Variants in WWOX observed in about 807,000 individuals in gnomAD.
The protein encoded by WWOX is WW domain containing oxidoreductase, also known as WW domain-containing oxidoreductase.
Under a neutral mutation model 46.2 loss-of-function variants are expected in WWOX, and 69 were observed. The observed-to-expected ratio is 1.49, with a 90% CI of 1.23 to 1.82. The LOEUF (loss-of-function observed/expected upper bound fraction) is 1.82. Among genes scored for constraint, WWOX ranks in the 40% most tolerant of loss-of-function variants. The pLI is 0.00. For synonymous variants in WWOX, 359 were observed against 202.6 expected, an observed-to-expected ratio of 1.77 and a Z score of -6.56; for missense variants, 919 against 542.6, an observed-to-expected ratio of 1.69 and a Z score of -6.89.
chr16:78,862,994 C>G lies in WWOX; in HGVS notation c.1057-348614C>G, dbSNP rs927508149. ...TTTTTTTTTGAGATGGAGTCTTGCTCTGTTGCCAGGGTGGAGTGCAGTGGT... is the reference window on the plus strand; with the variant it reads ...TTTTTTTTTGAGATGGAGTCTTGCTGTGTTGCCAGGGTGGAGTGCAGTGGT... On this transcript the variant is annotated intron_variant, in intron 8 of 8. Coordinates refer to ENST00000566780, the MANE Select transcript of WWOX (RefSeq NM_016373.4). Among the ~76,000 whole-genome samples the G allele has an allele frequency of 2.2e-5, 3 of 138,900 alleles. No homozygotes were observed. The Admixed American group carries it at 2.3e-4, about 11-fold the overall frequency. The allele number at this position is 138,900 out of a possible 152,430, so 91.1% of individuals were successfully genotyped here. A position where few individuals can be genotyped will look rare whatever the true frequency, so the allele number is the denominator to read the frequency against.
chr16:79,155,927 G>T (rs906976506), intron 8 of WWOX, among the ~76,000 whole-genome samples: 1 of 151,830 alleles, frequency 6.6e-6, no homozygotes, highest in East Asian at 1.9e-4. Context: ...AAGTCTCTCT[G>T]TTGATTTCTA....
At chr16:78,749,996 A>C (rs185966033) in intron 8 of WWOX, among the ~76,000 whole-genome samples, 1 of 152,246 alleles carries the variant, frequency 6.6e-6, no homozygotes, top group African/African-American at 2.4e-5. Context: ...GCTCCCCCCA[A>C]CAATCCCTTC....
chr16:78,562,471 G>A (rs2044462480), intron 8 of WWOX, among the ~76,000 whole-genome samples: 1 of 152,140 alleles, frequency 6.6e-6, no homozygotes, highest in African/African-American at 2.4e-5. Context: ...GGCAAGCAAG[G>A]CCCCTAACCT....
intron 8 of WWOX, among the ~76,000 whole-genome samples, chr16:78,772,139 C>A (rs34071876): frequency 2.6e-5 from 4 of 151,896 alleles, no homozygotes; most frequent in Non-Finnish European, 1.5e-5. Context: ...ATTTCATCAC[C>A]CAGGTAATAA....
At chr16:78,927,374 A>T (rs1344971775) in intron 8 of WWOX, among the ~76,000 whole-genome samples, 1 of 152,172 alleles carries the variant, frequency 6.6e-6, no homozygotes, top group Non-Finnish European at 1.5e-5. Flanking sequence ...GTAAGTATTG[A>T]TGGAGCAGAC....
intron 8 of WWOX, among the ~76,000 whole-genome samples, chr16:79,154,421 C>G (rs1223632025): frequency 6.6e-6 from 1 of 151,718 alleles, no homozygotes; most frequent in African/African-American, 2.4e-5. Flanking sequence ...TCAATACTGG[C>G]CCCTCATTTC....
chr16:78,560,915 A>G (rs2044419888), intron 8 of WWOX, among the ~76,000 whole-genome samples: 1 of 152,122 alleles, frequency 6.6e-6, no homozygotes, highest in Admixed American at 6.5e-5. Context: ...AGCAGTTCAC[A>G]TTCACATCTT....
chr16:78,691,814 A>G (rs1034147028), intron 8 of WWOX, among the ~76,000 whole-genome samples: 2 of 152,162 alleles, frequency 1.3e-5, no homozygotes, highest in Non-Finnish European at 2.9e-5. Flanking sequence ...TATGGTTTGG[A>G]TGTGTCCCCA....
intron 5 of WWOX, among the ~76,000 whole-genome samples, chr16:78,368,988 C>G (rs959927800): frequency 5.9e-5 from 9 of 152,126 alleles, no homozygotes; most frequent in Non-Finnish European, 2.9e-5. Flanking sequence ...TTCTCAGTCT[C>G]CCCATCTCCC....
chr16:78,403,838 G>C lies in WWOX; in HGVS notation c.605+16890G>C, dbSNP rs567642270. Reference sequence around the variant, plus strand: ...TCACTCAAGTTTCCTGGATACTTTTGACTTCTTAGCCATGGATGTGTTTGA... The same window carrying C: ...TCACTCAAGTTTCCTGGATACTTTTCACTTCTTAGCCATGGATGTGTTTGA... On this transcript the variant is annotated intron_variant, in intron 6 of 8. Transcript: ENST00000566780. Among the ~76,000 whole-genome samples, 3 of 152,264 alleles carry C rather than the reference G, an allele frequency of 2.0e-5. No individual in the cohort carries two copies. The East Asian group carries it at 5.8e-4, about 29-fold the overall frequency.
chr16:78,286,659 G>T (rs1278164653), intron 5 of WWOX, among the ~76,000 whole-genome samples: 1 of 151,638 alleles, frequency 6.6e-6, no homozygotes, highest in Admixed American at 6.6e-5. Flanking sequence ...TTTATAAGTA[G>T]TATATTTGGG....
At chr16:78,278,739 T>A in intron 5 of WWOX, 1 of 1,325,760 alleles carries the variant, frequency 7.5e-7, no homozygotes, top group Non-Finnish European at 1.1e-6. Context: ...CTTTTCATGT[T>A]TTGACTTCTA....
At chr16:78,202,218 T>C (rs566982441) in intron 5 of WWOX, among the ~76,000 whole-genome samples, 1 of 152,320 alleles carries the variant, frequency 6.6e-6, no homozygotes, top group African/African-American at 2.4e-5. Context: ...CCATCTTCCT[T>C]TCTAGGCTGG....
chr16:78,936,896 A>T (rs548316827), intron 8 of WWOX, among the ~76,000 whole-genome samples: 1 of 152,312 alleles, frequency 6.6e-6, no homozygotes, highest in Admixed American at 6.5e-5. Context: ...CACCTGCTAA[A>T]TGGAAGCCAA....
chr16:78,492,822 C>G (rs1488839420), intron 8 of WWOX, among the ~76,000 whole-genome samples: 1 of 152,128 alleles, frequency 6.6e-6, no homozygotes, highest in Non-Finnish European at 1.5e-5. Context: ...TTCTGGGGGC[C>G]TCATGCCTGC....
intron 5 of WWOX, among the ~76,000 whole-genome samples, chr16:78,277,049 G>T (rs949151950): frequency 6.6e-6 from 1 of 152,200 alleles, no homozygotes; most frequent in Non-Finnish European, 1.5e-5. Flanking sequence ...TGCGAACCTT[G>T]TTAAATTCGG....
At chr16:78,967,530 C>G (rs967916944) in intron 8 of WWOX, among the ~76,000 whole-genome samples, 37 of 143,252 alleles carry the variant, frequency 2.6e-4, no homozygotes, top group Admixed American at 6.6e-4. Context: ...GTTTCAAACT[C>G]CTGAGTCCAG....
At chr16:78,983,867 A>ATTATTT (rs1597237492) in intron 8 of WWOX, among the ~76,000 whole-genome samples, 1 of 53,850 alleles carries the variant, frequency 1.9e-5, no homozygotes, top group Non-Finnish European at 4.7e-5. Flanking sequence ...TATGAGAGCT[A>ATTATTT]TTCTTTTTTT....
intron 5 of WWOX, among the ~76,000 whole-genome samples, chr16:78,256,884 G>A (rs977403190): frequency 1.3e-5 from 2 of 151,982 alleles, no homozygotes; most frequent in African/African-American, 4.8e-5. Flanking sequence ...CAACTGAGTT[G>A]TTCAGTGTAC....
Sources: gnomAD v4.1 joint callset for allele counts (sites outside exome capture counted in the v4.1 genomes callset) on GRCh38, gnomAD v4.1.1 for gene constraint, MANE v1.5 for transcripts, NCBI Gene and HGNC (gene_info 2026-07-23, HGNC 2026-07-21) for gene names.